The following FMO2 variants were observed in gnomAD, a reference collection of about 807,000 sequenced individuals.
FMO2 encodes flavin-containing monooxygenase 2.
Under a neutral mutation model 41.6 loss-of-function variants are expected in FMO2, and 33 were observed. That is an observed-to-expected ratio of 0.79 (90% CI 0.60 to 1.06). The LOEUF is 1.06. Ranked by LOEUF, FMO2 falls within the 50% of genes least tolerant of loss-of-function variation. The pLI is 0.00. For synonymous variants in FMO2, 214 were observed against 219.6 expected (o/e 0.97, Z 0.23); for missense variants, 619 against 632.9 (o/e 0.98, Z 0.23).
chr1:171,207,915 G>C, intron 8 of FMO2, 125 bp downstream of exon 8: 2 of 647,806 alleles, frequency 3.1e-6, no homozygotes, highest in Non-Finnish European at 5.5e-6. Context: ...CCAGATGATT[G>C]AATCAGAAAC....
intron 7 of FMO2, among the ~76,000 whole-genome samples, chr1:171,206,632 C>T (rs566347129): frequency 6.6e-6 from 1 of 152,200 alleles, no homozygotes; most frequent in South Asian, 2.1e-4. Flanking sequence ...GGCCAAGGGA[C>T]CTGGAATCTG....
At chr1:171,186,103 C>T in intron 2 of FMO2, 1 of 290,702 alleles carries the variant, frequency 3.4e-6, no homozygotes, top group South Asian at 9.3e-5. Flanking sequence ...ACAGCCCATA[C>T]TTCTGTCATT....
At chr1:171,208,691 C>T in intron 8 of FMO2, 103 bp from the exon 9 acceptor site, 1 of 1,062,668 alleles carries the variant, frequency 9.4e-7, no homozygotes, top group East Asian at 2.4e-5. Context: ...AACTCATTCA[C>T]ATATTCACTC....
At chr1:171,208,529 C>T (rs6701702) in intron 8 of FMO2, among the ~76,000 whole-genome samples, 5,482 of 152,188 alleles carry the variant, frequency 0.036, 326 homozygotes, top group African/African-American at 0.12. Flanking sequence ...GATTTGCCAC[C>T]GCTTAAAAAA....
At chr1:171,204,106 G>A (rs760134636) in intron 6 of FMO2, 42 bp downstream of exon 6, 10 of 1,478,664 alleles carry the variant, frequency 6.8e-6, no homozygotes, top group Non-Finnish European at 8.5e-6. Flanking sequence ...TCGTTGGTGA[G>A]CAAAGTTGTC....
chr1:171,204,117 T>G, intron 6 of FMO2, 53 bp downstream of exon 6: 3 of 1,302,940 alleles, frequency 2.3e-6, no homozygotes, highest in Non-Finnish European at 3.3e-6. Flanking sequence ...CAAAGTTGTC[T>G]GAAGGTGTCT....
rs1658989413 is a variant in FMO2, at chr1:171,211,684, C to T, written c.*2539C>T. On this transcript the variant is annotated 3_prime_UTR_variant, in exon 9 of 9. Coordinates refer to ENST00000209929, the MANE Select transcript of FMO2 (RefSeq NM_001460.5). ...GTTGACTCAAAGGTTAAAGAAGGCTCATCAGTCTATCCTTCTGCCTCCATA... is the reference window on the plus strand; with the variant it reads ...GTTGACTCAAAGGTTAAAGAAGGCTTATCAGTCTATCCTTCTGCCTCCATA... Among the ~76,000 whole-genome samples the T allele has an allele frequency of 6.6e-6, 1 of 152,172 alleles. No homozygotes were observed. Among genetic ancestry groups the T allele is most frequent in the Non-Finnish European group, 1.5e-5 (1 of 68,030 alleles).
At chr1:171,200,233 T>G (rs1658478347) in intron 5 of FMO2, among the ~76,000 whole-genome samples, 1 of 152,192 alleles carries the variant, frequency 6.6e-6, no homozygotes, top group Admixed American at 6.5e-5. Context: ...CTAACCACTG[T>G]CTTCTTTGCA....
At chr1:171,185,598 A>G (rs1657808780) in intron 1 of FMO2, 110 bp from the exon 2 acceptor site, 1 of 1,061,278 alleles carries the variant, frequency 9.4e-7, no homozygotes, top group Non-Finnish European at 1.4e-6. Flanking sequence ...AGTGCTGCTT[A>G]TTAAATTACC....
chr1:171,193,384 A>C lies in FMO2; in HGVS notation c.182A>C (p.Asn61Thr), dbSNP rs149604380. The C allele has an allele frequency of 6.2e-7, 1 of 1,612,744 alleles. No homozygotes were observed. Among genetic ancestry groups the C allele is most frequent in the East Asian group, 2.2e-5 (1 of 44,878 alleles). The change falls in exon 3 of 9, where the codon AAC becomes ACC. Residue 61 changes from asparagine to threonine, a missense_variant. By Grantham distance (65) the Asn-to-Thr change is moderately conservative. Transcript: ENST00000209929. ...AGTATCTATCAATCTGTCGTTACCAACACCAGCAAAGAAATGTCCTGTTTC... is the reference window on the plus strand; with the variant it reads ...AGTATCTATCAATCTGTCGTTACCACCACCAGCAAAGAAATGTCCTGTTTC... The part of the protein sequence containing the change: ...RASIYQSVVT[N>T]TSKEMSCFSD...
At chr1:171,191,877 A>C (rs1658096726) in intron 2 of FMO2, among the ~76,000 whole-genome samples, 1 of 150,946 alleles carries the variant, frequency 6.6e-6, no homozygotes, top group African/African-American at 2.4e-5. Context: ...AAAAAAAAAA[A>C]AAATACAAAA....
rs41272517 is a variant in FMO2, at chr1:171,210,850, A to G, written c.*1705A>G. On this transcript the variant is annotated 3_prime_UTR_variant, in exon 9 of 9. Transcript: ENST00000209929. ...CAATGGAATGTCAGTCAGTCTCTGTAGTTAAAACTTTTTCTTTAAAATTCA... is the reference window on the plus strand; with the variant it reads ...CAATGGAATGTCAGTCAGTCTCTGTGGTTAAAACTTTTTCTTTAAAATTCA... 4.0e-5 allele frequency: 2 copies of G among 50,080 alleles called. No individual in the cohort carries two copies. The highest frequency in any genetic ancestry group is 2.0e-4 in the Admixed American group (1 of 4,896). The allele number at this position is 50,080 out of a possible 1,614,324, so 3.1% of individuals were successfully genotyped here. A position where few individuals can be genotyped will look rare whatever the true frequency, so the allele number is the denominator to read the frequency against.
intron 3 of FMO2, among the ~76,000 whole-genome samples, chr1:171,195,971 C>T: frequency 6.6e-6 from 1 of 152,196 alleles, no homozygotes; most frequent in East Asian, 1.9e-4. Flanking sequence ...TTCTCTAATA[C>T]AAAGTCCACA....
intron 2 of FMO2, among the ~76,000 whole-genome samples, chr1:171,186,961 A>G (rs28369803): frequency 0.072 from 10,952 of 152,310 alleles, 444 homozygotes; most frequent in Middle Eastern, 0.13. Flanking sequence ...GAGATAATTC[A>G]TATAAAGAAC....
intron 2 of FMO2, among the ~76,000 whole-genome samples, chr1:171,192,784 A>G (rs1658135896): frequency 7.3e-6 from 1 of 136,080 alleles, no homozygotes; most frequent in Non-Finnish European, 1.6e-5. Context: ...AAAAAAAAAA[A>G]AAAGATTTGA....
rs752716131 is a variant in FMO2 at position 171,196,832 on chromosome 1, C to G, written c.484+21C>G. 4.4e-6 allele frequency: 7 copies of G among 1,606,648 alleles called. No individual in the cohort carries two copies. In the East Asian group the frequency reaches 1.6e-4, roughly 36 times the overall value. ...TCCAGGTGAGACCCGCTGGGATTCC[C>G]AGCTTTTTGGAGTAGGTTTCCAGGT... On this transcript the variant is annotated intron_variant, in intron 4 of 8. Transcript: ENST00000209929.
Position 171,207,470 on chromosome 1 carries a change from G to A in FMO2, c.1184-248G>A, listed in dbSNP as rs1658807722. The A allele has an allele frequency of 1.0e-5, 4 of 381,852 alleles. No homozygotes were observed. The East Asian group carries it at 1.7e-4, about 16-fold the overall frequency. 23.7% of individuals were successfully genotyped at this position (381,852 alleles called of 1,614,324 possible). A position where few individuals can be genotyped will look rare whatever the true frequency, so the allele number is the denominator to read the frequency against. On this transcript the variant is annotated intron_variant, in intron 7 of 8. Transcript: ENST00000209929. ...ACTAGTCATGGCTGCCAGGCTCCCA[G>A]ACACACTTCCCTTTTCCAGCCTCTT...
chr1:171,185,450 T>A (rs190249141), intron 1 of FMO2, 91 bp downstream of exon 1: 40 of 311,682 alleles, frequency 1.3e-4, no homozygotes, highest in African/African-American at 7.2e-4. Flanking sequence ...TGTTACTGCA[T>A]AGTCTGGCTT....
chr1:171,205,535 G>T lies in FMO2; in HGVS notation c.1084G>T (p.Asp362Tyr). The T allele has an allele frequency of 6.2e-7, 1 of 1,613,854 alleles. No homozygotes were observed. The highest frequency in any genetic ancestry group is 8.5e-7 in the Non-Finnish European group (1 of 1,179,874). ...TAAATACATATTCCCCGCTCACCTGGACAAGTCAACCCTCGCGTGCATTGG... is the reference window on the plus strand; with the variant it reads ...TAAATACATATTCCCCGCTCACCTGTACAAGTCAACCCTCGCGTGCATTGG... ...LYKYIFPAHLDKSTLACIGLI... is the reference protein window; with the variant it reads ...LYKYIFPAHLYKSTLACIGLI... The change falls in exon 7 of 9, where the codon GAC becomes TAC. Residue 362 changes from aspartate (D) to tyrosine (Y), a missense_variant. By Grantham distance (160) the Asp-to-Tyr change is radical. Transcript: ENST00000209929.
Sources: allele counts gnomAD v4.1 joint callset (sites outside exome capture counted in the v4.1 genomes callset), GRCh38; gene constraint gnomAD v4.1.1; transcripts MANE v1.5; gene names NCBI Gene and HGNC (gene_info 2026-07-23, HGNC 2026-07-21).